Variants in MYH14 observed in about 807,000 individuals in gnomAD.
The protein encoded by MYH14 is myosin-14.
MYH14 carries 123 observed loss-of-function variants against 255.5 expected under a neutral mutation model. The observed-to-expected ratio is 0.48, with a 90% CI of 0.42 to 0.56. The LOEUF (loss-of-function observed/expected upper bound fraction) is 0.56. Among genes scored for constraint, MYH14 ranks in the 20% least tolerant of loss-of-function variants. The pLI, the probability that MYH14 is intolerant of heterozygous loss-of-function variation, is 0.00. For synonymous variants in MYH14, 1,095 were observed against 1,161.2 expected (o/e 0.94, Z 1.16); for missense variants, 2,423 against 2,802.3 (o/e 0.86, Z 3.06).
rs775360782 is a variant in MYH14 at position 50,244,252 on chromosome 19, G to T, written c.1125G>T (p.Arg375=). The T allele has an allele frequency of 2.5e-6, 4 of 1,613,794 alleles. No individual in the cohort carries two copies. The highest frequency in any genetic ancestry group is 3.4e-6 in the Non-Finnish European group (4 of 1,179,838). The change falls in exon 11 of 43, where the codon CGG becomes CGT. Residue 375 remains arginine, a synonymous_variant. Transcript: ENST00000642316. The part of the protein sequence containing the change: ...FSHEEIISML[R]MVSAVLQFGN... The stretch of plus-strand genomic sequence containing the variant: ...TCCTTGCGTCCCCAGCCATGCTGCG[G>T]ATGGTCTCAGCAGTTCTCCAGTTTG...
In MYH14 at chr19:50,309,019, C is replaced by T. The variant is rs745991888; in HGVS notation, c.5802C>T (p.Asn1934=). 1 of 1,612,444 alleles carries T rather than the reference C, an allele frequency of 6.2e-7. No homozygotes were observed. The highest frequency in any genetic ancestry group is 2.2e-5 in the East Asian group (1 of 44,828). ...DQLRDQLEKG[N]LRVKQLKRQL... ...CTTCCATCAAGCTGGAGAAGGGAAA[C>T]CTTCGAGTCAAGCAGCTGAAGCGGC... Residue 1934 remains asparagine, a synonymous_variant, in exon 42 of 43, where the codon AAC becomes AAT. Transcript: ENST00000642316.
rs1409555862 is a variant in MYH14 at position 50,260,697 on chromosome 19, G to A, written c.2406G>A (p.Lys802=). 1 of 1,613,306 alleles carries A rather than the reference G, an allele frequency of 6.2e-7. No homozygotes were observed. The highest frequency in any genetic ancestry group is 1.7e-5 in the Admixed American group (1 of 59,940). ...TCCCCAAGGGCTTCATGGATGGGAA[G>A]CAGGCCTGTGAAAAGATGGTGAGTG... is the stretch of plus-strand genomic sequence containing the variant. ...NAIPKGFMDG[K]QACEKMIQAL... is the part of the protein sequence containing the mutation. The change falls in exon 20 of 43, where the codon AAG becomes AAA. Residue 802 remains lysine (K), a synonymous_variant. Transcript: ENST00000642316.
chr19:50,292,292 A>C lies in MYH14; in HGVS notation c.5159A>C (p.Glu1720Ala), dbSNP rs1395140413. The change falls in exon 37 of 43, where the codon GAG (glutamate) becomes GCG (alanine). Residue 1720 changes from glutamate (E) to alanine (A), a missense_variant. Physicochemically the swap from Glu to Ala is moderately radical, Grantham distance 107 (BLOSUM62 -1). This residue lies in a region of MYH14 where 1,513 missense variants were observed against 1,674.8 expected (regional missense o/e 0.90). Transcript: ENST00000642316. ...AQMKELWREV[E>A]ETRTSREEIF... ...ATGAAGGAGCTATGGCGGGAGGTGGAGGAGACACGCACCTCCCGGGAGGAG... is the reference window on the plus strand; with the variant it reads ...ATGAAGGAGCTATGGCGGGAGGTGGCGGAGACACGCACCTCCCGGGAGGAG... 6.2e-7 allele frequency: 1 copy of C among 1,600,154 alleles called. No homozygotes were observed.
At position 50,262,239 on chromosome 19, in the gene MYH14, G is replaced by A. The variant is rs373633073; in HGVS notation, c.2585+604G>A. ...CGCTTCAGGAATACAGGGAGTTTGC[G>A]GGAGAGTCTCCTTCCTCCTTAGAAG... is the stretch of plus-strand genomic sequence containing the variant. On this transcript the variant is annotated intron_variant, in intron 21 of 42. Coordinates refer to ENST00000642316, the MANE Select transcript of MYH14 (RefSeq NM_001145809.2). Among the ~76,000 whole-genome samples the A allele has an allele frequency of 5.3e-5, 8 of 152,272 alleles. No homozygotes were observed. In the East Asian group the frequency reaches 1.2e-3, roughly 22 times the overall value.
chr19:50,260,363 C>T (rs1265789989), intron 19 of MYH14, among the ~76,000 whole-genome samples: 3 of 152,006 alleles, frequency 2.0e-5, no homozygotes, highest in South Asian at 2.1e-4. Flanking sequence ...AGGCGGAGGT[C>T]GCAGTGAGGC....
In MYH14 at chr19:50,272,652, G is replaced by A; in HGVS notation, c.3388G>A (p.Val1130Met). 1 of 1,565,070 alleles carries A rather than the reference G, an allele frequency of 6.4e-7. No individual in the cohort carries two copies. The highest frequency in any genetic ancestry group is 1.9e-5 in the Admixed American group (1 of 52,242). Residue 1130 changes from valine (V) to methionine (M), a missense_variant, in exon 27 of 43, where the codon GTG (valine) becomes ATG (methionine). Transcript: ENST00000642316. ...GAGCTCAGAGCTGCAGGAGCAGATG[G>A]TGGAGCAGCAACAGCGGGCAGAGGA... is the stretch of plus-strand genomic sequence containing the variant. Reference protein sequence around the residue: ...GESSELQEQMVEQQQRAEELR... With the variant: ...GESSELQEQMMEQQQRAEELR...
intron 1 of MYH14, among the ~76,000 whole-genome samples, chr19:50,209,811 G>T (rs78937332): frequency 2.9e-5 from 4 of 138,964 alleles, no homozygotes; most frequent in African/African-American, 1.1e-4. Flanking sequence ...AAAATAATTA[G>T]CCGGGGCCGG....
In MYH14 at chr19:50,230,693, C is replaced by G. The variant is rs1202820197; in HGVS notation, c.973+70C>G. 6.5e-6 allele frequency: 9 copies of G among 1,376,106 alleles called. No homozygotes were observed. Among genetic ancestry groups the G allele is most frequent in the Non-Finnish European group, 9.0e-6 (9 of 996,946 alleles). The allele number at this position is 1,376,106 out of a possible 1,614,324, so 85.2% of individuals were successfully genotyped here. On this transcript the variant is annotated intron_variant, in intron 9 of 42. Coordinates refer to ENST00000642316, the MANE Select transcript of MYH14 (RefSeq NM_001145809.2). This position sits in a 1 kb window ranked among gnomAD's most constrained non-coding sequence, Gnocchi z 4.7. ...GCACCATGTCTCTCGGGGGCCCCTT[C>G]TGGGGAGGAAGCAAGAGTGGGGGGC...
chr19:50,267,085 G>T (rs1294614444), intron 23 of MYH14, 77 bp downstream of exon 23: 3 of 1,376,310 alleles, frequency 2.2e-6, no homozygotes, highest in South Asian at 1.3e-5. Context: ...CAGGTGTGAG[G>T]GGCGGGGCTT....
intron 19 of MYH14, among the ~76,000 whole-genome samples, chr19:50,259,599 C>T (rs777931180): frequency 6.6e-6 from 1 of 152,156 alleles, no homozygotes; most frequent in Non-Finnish European, 1.5e-5. Flanking sequence ...AAGTAGAAGG[C>T]GGGGCGCGGT....
At chr19:50,295,878 T>C (rs6509461) in intron 39 of MYH14, among the ~76,000 whole-genome samples, 100,423 of 151,890 alleles carry the variant, frequency 0.66, 35,831 homozygotes, top group East Asian at 0.99. Flanking sequence ...TTTGGGAGGC[T>C]GAGGCGGGTA....
intron 12 of MYH14, 113 bp downstream of exon 12, chr19:50,247,235 C>T (rs1344041772): frequency 1.4e-5 from 10 of 720,940 alleles, no homozygotes; most frequent in Admixed American, 6.6e-5. Context: ...GCTGAGTGCC[C>T]GCTCCGTTAC....
At chr19:50,300,789 G>T (rs1454015857) in intron 39 of MYH14, among the ~76,000 whole-genome samples, 1 of 152,128 alleles carries the variant, frequency 6.6e-6, no homozygotes, top group Non-Finnish European at 1.5e-5. Context: ...CAGGGGTGAT[G>T]GTGTACGCCT....
At chr19:50,255,368 G>A (rs749263227) in intron 17 of MYH14, 50 bp downstream of exon 17, 6 of 1,403,600 alleles carry the variant, frequency 4.3e-6, no homozygotes, top group Non-Finnish European at 4.9e-6. Context: ...GGAGGAGGGT[G>A]GACCTGTTGG....
At chr19:50,239,360 T>A (rs2033800044) in intron 10 of MYH14, among the ~76,000 whole-genome samples, 1 of 152,116 alleles carries the variant, frequency 6.6e-6, no homozygotes, top group African/African-American at 2.4e-5. Context: ...CTCTTTACTC[T>A]CCTTCAGTCT....
At position 50,238,064 on chromosome 19, in the gene MYH14, C is replaced by T. The variant is rs374628635; in HGVS notation, c.1114+5994C>T. 5.0e-4 allele frequency among the ~76,000 whole-genome samples: 76 copies of T among 152,332 alleles called. 1 individual carries two copies. The South Asian group carries it at 0.014, about 29-fold the overall frequency. On this transcript the variant is annotated intron_variant, in intron 10 of 42. Coordinates refer to ENST00000642316, the MANE Select transcript of MYH14 (RefSeq NM_001145809.2). ...GGCCAATCAAGGCAGGGTGTCTGTC[C>T]ATCTCCTTCCCCATTTTACATCTCT...
In MYH14 at chr19:50,226,656, A is replaced by G. The variant is rs2085459; in HGVS notation, c.811-247A>G. On this transcript the variant is annotated intron_variant, in intron 7 of 42. Coordinates refer to ENST00000642316, the MANE Select transcript of MYH14 (RefSeq NM_001145809.2). ...AGGAGGGGCTGGAGGCTGCGTGCCT[A>G]GTTCCAAGGGAGGAGCAGCTGGGGA... Among the ~76,000 whole-genome samples, 80,689 of 151,834 alleles carry G rather than the reference A, an allele frequency of 0.53. 23,125 individuals are homozygous for G. The highest frequency in any genetic ancestry group is 0.64 in the Non-Finnish European group (43,374 of 67,892).
intron 36 of MYH14, 119 bp from the exon 37 acceptor site, chr19:50,292,142 G>T: frequency 9.2e-7 from 1 of 1,086,396 alleles, no homozygotes; most frequent in Non-Finnish European, 1.3e-6. Flanking sequence ...TGCAGGGTTC[G>T]GAGAGTTCCC....
In MYH14 at chr19:50,266,925, C is replaced by T. The variant is rs1404486547; in HGVS notation, c.2743C>T (p.Arg915Trp). The change falls in exon 23 of 43, where the codon CGG (arginine) becomes TGG (tryptophan). Residue 915 changes from arginine (R) to tryptophan (W), a missense_variant. Coordinates refer to ENST00000642316, the MANE Select transcript of MYH14 (RefSeq NM_001145809.2). The surrounding 1 kb of genome is among the most constrained non-coding windows in gnomAD (Gnocchi z 4.1). Reference sequence around the variant, plus strand: ...GCGGCAGGATGAGGTGCTGCAGGCACGGGCCCAGGAGCTGCAGAAAGTGCA... The same window carrying T: ...GCGGCAGGATGAGGTGCTGCAGGCATGGGCCCAGGAGCTGCAGAAAGTGCA... ...VTRQDEVLQA[R>W]AQELQKVQEL... The T allele has an allele frequency of 4.5e-6, 7 of 1,553,056 alleles. No individual in the cohort carries two copies. Among genetic ancestry groups the T allele is most frequent in the South Asian group, 1.2e-5 (1 of 84,126 alleles).
Sources: gnomAD v4.1 joint callset for allele counts (sites outside exome capture counted in the v4.1 genomes callset) on GRCh38, gnomAD v4.1.1 for gene constraint, gnomAD v4.1.1 regional missense constraint, Gnocchi (gnomAD v3.1) non-coding constraint, MANE v1.5 for transcripts, NCBI Gene and HGNC (gene_info 2026-07-23, HGNC 2026-07-21) for gene names.